Variants in NMBR observed in about 807,000 individuals in gnomAD.
NMBR encodes neuromedin-B receptor.
In NMBR, 16 loss-of-function variants were observed where a neutral mutation model predicts 20.5. The ratio of observed to expected loss-of-function variants is 0.78; its 90% CI spans 0.53 to 1.19. The LOEUF (loss-of-function observed/expected upper bound fraction) is 1.19, where lower values mean the gene tolerates loss of function less well. Among genes scored for constraint, NMBR ranks in the 50% most tolerant of loss-of-function variants. The pLI is 0.00. For missense variants in NMBR, 582 were observed against 499.1 expected (o/e 1.17, Z -1.58); for synonymous variants, 212 against 196.6 (o/e 1.08, Z -0.65).
intron 1 of NMBR, among the ~76,000 whole-genome samples, chr6:142,140,916 T>C (rs2114615093): frequency 6.6e-6 from 1 of 152,212 alleles, no homozygotes; most frequent in African/African-American, 2.4e-5. Context: ...CACCAGTTAA[T>C]AGAGATTCAG....
chr6:142,121,191 T>C (rs973039447), intron 1 of NMBR, among the ~76,000 whole-genome samples: 5 of 151,954 alleles, frequency 3.3e-5, no homozygotes, highest in Non-Finnish European at 7.4e-5. Context: ...AAATGTTGTG[T>C]GTGTTCTTAC....
chr6:142,146,675 A>T (rs553509193), intron 1 of NMBR, among the ~76,000 whole-genome samples: 4 of 152,364 alleles, frequency 2.6e-5, no homozygotes, highest in African/African-American at 9.6e-5. Flanking sequence ...CTGAGAACAA[A>T]AGTTCAATCT....
intron 1 of NMBR, among the ~76,000 whole-genome samples, chr6:142,093,741 A>G (rs1777383499): frequency 1.3e-5 from 2 of 152,122 alleles, no homozygotes; most frequent in Admixed American, 6.6e-5. Context: ...GACTTCCATA[A>G]TGGTTGAACT....
chr6:142,094,622 T>C (rs1777407351), intron 1 of NMBR, among the ~76,000 whole-genome samples: 1 of 152,194 alleles, frequency 6.6e-6, no homozygotes, highest in East Asian at 1.9e-4. Flanking sequence ...TAGGATTGAC[T>C]TGGCTATGCG....
intron 1 of NMBR, among the ~76,000 whole-genome samples, chr6:142,105,809 T>C (rs891502721): frequency 3.9e-5 from 6 of 152,188 alleles, no homozygotes; most frequent in African/African-American, 1.4e-4. Context: ...TCACCATTTG[T>C]AGATAAAAAA....
At chr6:142,104,178 T>C (rs1777615328) in intron 1 of NMBR, among the ~76,000 whole-genome samples, 1 of 152,186 alleles carries the variant, frequency 6.6e-6, no homozygotes, top group Non-Finnish European at 1.5e-5. Context: ...ACACCCAGCA[T>C]AAATGGTCAT....
At chr6:142,081,887 T>C (rs1057272909) in intron 2 of NMBR, among the ~76,000 whole-genome samples, 22 of 152,254 alleles carry the variant, frequency 1.4e-4, no homozygotes, top group Admixed American at 7.2e-4. Flanking sequence ...TACTAGAGAA[T>C]GTTGATCAAA....
In NMBR at chr6:142,088,502, T is replaced by C. The variant is rs780731459; in HGVS notation, c.157A>G (p.Ile53Val). The C allele has an allele frequency of 5.6e-6, 9 of 1,614,006 alleles. No homozygotes were observed. The Admixed American group carries it at 1.5e-4, about 27-fold the overall frequency. Residue 53 changes from isoleucine to valine, a missense_variant, in exon 2 of 4, where the codon ATC becomes GTC. Ile to Val is a conservative substitution (Grantham distance 29, BLOSUM62 3). Transcript: ENST00000258042. ...RCVIPSLYLL[I>V]ITVGLLGNIM... ...TTGCCCAGCAAGCCCACGGTGATGA[T>C]GAGCAGGTAGAGGGACGGGATCACA...
chr6:142,103,195 A>C (rs897379858), intron 1 of NMBR, among the ~76,000 whole-genome samples: 2 of 152,150 alleles, frequency 1.3e-5, no homozygotes, highest in Admixed American at 6.5e-5. Context: ...TGGGTTCTAG[A>C]TTATGAAAGG....
Position 142,075,756 on chromosome 6 carries a change from G to A in NMBR, c.1065C>T (p.Leu355=), listed in dbSNP as rs769868822. ...ATGTCATACGCACCGCTGAAGAGCT[G>A]AGTAGGTAGCTGGTTCCTCTCTCTT... is the stretch of plus-strand genomic sequence containing the variant. ...SYQERGTSYL[L]SSSAVRMTSL... Residue 355 remains leucine, a synonymous_variant, in exon 4 of 4, where the codon CTC becomes CTT. Transcript: ENST00000258042. 3 of 1,614,080 alleles carry A rather than the reference G, an allele frequency of 1.9e-6. No individual in the cohort carries two copies. Among genetic ancestry groups the A allele is most frequent in the Non-Finnish European group, 2.5e-6 (3 of 1,179,942 alleles).
chr6:142,094,210 C>T (rs1305751542), intron 1 of NMBR, among the ~76,000 whole-genome samples: 1 of 152,026 alleles, frequency 6.6e-6, no homozygotes, highest in Admixed American at 6.6e-5. Context: ...GTGTTTTAGA[C>T]ATGAAGTCCT....
At chr6:142,078,471 G>T in intron 3 of NMBR, 84 bp downstream of exon 3, 1 of 762,666 alleles carries the variant, frequency 1.3e-6, no homozygotes, top group Non-Finnish European at 2.1e-6. Flanking sequence ...CTCAGTCATA[G>T]GATTAAAAGC....
rs200328873 is a variant in NMBR, at chr6:142,108,190, CT to C, written c.-663-18870del. On this transcript the variant is annotated intron_variant, in intron 1 of 3. Coordinates refer to ENST00000258042, the MANE Select transcript of NMBR (RefSeq NM_002511.4). ...ATTCAAAAAAGTAATGACTGAAAAC[CT>C]TCCAAATTTGACTTAAAACCATCTA... Among the ~76,000 whole-genome samples, 1,084 of 152,166 alleles carry C rather than the reference CT, an allele frequency of 7.1e-3. 16 individuals carry two copies. The highest frequency in any genetic ancestry group is 0.025 in the African/African-American group (1,034 of 41,516).
intron 1 of NMBR, among the ~76,000 whole-genome samples, chr6:142,118,891 G>A (rs543181045): frequency 6.6e-6 from 1 of 152,038 alleles, no homozygotes; most frequent in Admixed American, 6.6e-5. Flanking sequence ...GTATTAGATT[G>A]GGTCCATAGG....
chr6:142,144,277 G>A (rs1778398006), intron 1 of NMBR, among the ~76,000 whole-genome samples: 1 of 152,238 alleles, frequency 6.6e-6, no homozygotes, highest in East Asian at 1.9e-4. Context: ...TACAGCTATA[G>A]ATATATATAT....
At chr6:142,095,213 G>A (rs1373792091) in intron 1 of NMBR, among the ~76,000 whole-genome samples, 1 of 152,054 alleles carries the variant, frequency 6.6e-6, no homozygotes, top group African/African-American at 2.4e-5. Context: ...GTGAGAGAGG[G>A]CATCCCTGTC....
At chr6:142,101,859 C>T (rs1395018590) in intron 1 of NMBR, among the ~76,000 whole-genome samples, 3 of 152,148 alleles carry the variant, frequency 2.0e-5, no homozygotes, top group African/African-American at 7.2e-5. Flanking sequence ...GGCTACAGTG[C>T]CCTCATGGTC....
At chr6:142,086,677 A>T (rs564720628) in intron 2 of NMBR, among the ~76,000 whole-genome samples, 1 of 152,242 alleles carries the variant, frequency 6.6e-6, no homozygotes, top group African/African-American at 2.4e-5. Flanking sequence ...TATATGATGC[A>T]CAAATGAAAC....
chr6:142,087,824 T>C (rs901024112), intron 2 of NMBR, among the ~76,000 whole-genome samples: 7 of 152,178 alleles, frequency 4.6e-5, no homozygotes, highest in African/African-American at 1.4e-4. Context: ...CAGACATTCT[T>C]ACCTATTAGA....
Sources: gnomAD v4.1 joint callset for allele counts (sites outside exome capture counted in the v4.1 genomes callset) on GRCh38, gnomAD v4.1.1 for gene constraint, MANE v1.5 for transcripts, NCBI Gene and HGNC (gene_info 2026-07-23, HGNC 2026-07-21) for gene names.